The following SGTA variants were observed in gnomAD, a reference collection of about 807,000 sequenced individuals.
The protein encoded by SGTA is small glutamine rich tetratricopeptide repeat co-chaperone alpha.
In SGTA, 22 loss-of-function variants were observed where a neutral mutation model predicts 44.3. The observed-to-expected ratio is 0.50, with a 90% confidence interval of 0.36 to 0.71. SGTA has a LOEUF of 0.71. Ranked by LOEUF, SGTA falls within the 30% of genes least tolerant of loss-of-function variation. The pLI is 0.00. For synonymous variants in SGTA, 174 were observed against 177.6 expected (o/e 0.98, Z 0.16); for missense variants, 341 against 435.9 (o/e 0.78, Z 1.94).
At chr19:2,774,053 C>T (rs1480968383) in intron 1 of SGTA, among the ~76,000 whole-genome samples, 2 of 152,164 alleles carry the variant, frequency 1.3e-5, no homozygotes, top group African/African-American at 2.4e-5. Flanking sequence ...TCACAAGGAA[C>T]GAGCCCCGAC....
chr19:2,764,898 C>T (rs766495796), intron 5 of SGTA, among the ~76,000 whole-genome samples: 1 of 152,064 alleles, frequency 6.6e-6, no homozygotes, highest in African/African-American at 2.4e-5. Flanking sequence ...TCTGTAGAGA[C>T]GGGGGTCTTG....
chr19:2,769,097 G>T lies in SGTA; in HGVS notation c.-23-6C>A. 1 of 1,593,552 alleles carries T rather than the reference G, an allele frequency of 6.3e-7. No individual in the cohort carries two copies. Among genetic ancestry groups the T allele is most frequent in the East Asian group, 2.2e-5 (1 of 44,694 alleles). On this transcript the variant is annotated splice_polypyrimidine_tract_variant and splice_region_variant and intron_variant, in intron 1 of 11. Coordinates refer to ENST00000221566, the MANE Select transcript of SGTA (RefSeq NM_003021.4). ...GAGCCCAGAAGAGGTGATACCTGGG[G>T]GTGCAGGAAAAACCCCCATCAGGCC...
At chr19:2,757,652 C>T in intron 10 of SGTA, 41 bp downstream of exon 10, 1 of 1,493,428 alleles carries the variant, frequency 6.7e-7, no homozygotes, top group Non-Finnish European at 9.0e-7. Context: ...GCCCTGCCCG[C>T]CGCCCACGTC....
In SGTA at chr19:2,754,723, A is replaced by G. The variant is rs1051513975; in HGVS notation, c.*1217T>C. The stretch of plus-strand genomic sequence containing the variant: ...CAACACGAAGACAGACAGAGGTCAC[A>G]ACGCCTATTTATTCCCCACACGTCA... On this transcript the variant is annotated 3_prime_UTR_variant, in exon 12 of 12. Transcript: ENST00000221566. This position sits in a 1 kb window ranked among gnomAD's most constrained non-coding sequence, Gnocchi z 4.4. The G allele has an allele frequency of 6.6e-6, 1 of 151,888 alleles. No individual in the cohort carries two copies. Among genetic ancestry groups the G allele is most frequent in the African/African-American group, 2.4e-5 (1 of 41,324 alleles). The allele number at this position is 151,888 out of a possible 1,614,324, so 9.4% of individuals were successfully genotyped here. A position where few individuals can be genotyped will look rare whatever the true frequency, so the allele number is the denominator to read the frequency against.
At chr19:2,772,886 AAATG>A (rs1915349590) in intron 1 of SGTA, among the ~76,000 whole-genome samples, 1 of 96,946 alleles carries the variant, frequency 1.0e-5, no homozygotes, top group Admixed American at 9.4e-5. Flanking sequence ...CCGAGGGCAG[AAATG>A]GGTGACGCGG....
chr19:2,781,062 G>C (rs980399700), intron 1 of SGTA, among the ~76,000 whole-genome samples: 1 of 152,158 alleles, frequency 6.6e-6, no homozygotes, highest in Non-Finnish European at 1.5e-5. Context: ...CAGCCTGGGC[G>C]ACAGAGCAAG....
chr19:2,765,623 G>A lies in SGTA; in HGVS notation c.293-338C>T, dbSNP rs952650172. Among the ~76,000 whole-genome samples, 2 of 152,210 alleles carry A rather than the reference G, an allele frequency of 1.3e-5. No homozygotes were observed. The highest frequency in any genetic ancestry group is 2.9e-5 in the Non-Finnish European group (2 of 68,038). On this transcript the variant is annotated intron_variant, in intron 4 of 11. Coordinates refer to ENST00000221566, the MANE Select transcript of SGTA (RefSeq NM_003021.4). The surrounding 1 kb of genome is among the most constrained non-coding windows in gnomAD (Gnocchi z 5.5). Reference sequence around the variant, plus strand: ...TAATACAGCTCACCGGCCCGGGGACGGAAACTGTCCCTTTCGCTATTGCTT... The same window carrying A: ...TAATACAGCTCACCGGCCCGGGGACAGAAACTGTCCCTTTCGCTATTGCTT...
At chr19:2,758,049 G>A (rs1914878626) in intron 9 of SGTA, among the ~76,000 whole-genome samples, 1 of 152,206 alleles carries the variant, frequency 6.6e-6, no homozygotes, top group Admixed American at 6.5e-5. Context: ...CCCCTGCAAT[G>A]GCAGCGGACA....
rs941936193 is a variant in SGTA, at chr19:2,767,895, C to T, written c.101-209G>A. ...AAAAGCCAGACAGAGACGCCCCGTG[C>T]CCCTGAGAGCAGCAGAGGCCGTGGG... is the stretch of plus-strand genomic sequence containing the variant. On this transcript the variant is annotated intron_variant, in intron 2 of 11. Coordinates refer to ENST00000221566, the MANE Select transcript of SGTA (RefSeq NM_003021.4). This position sits in a 1 kb window ranked among gnomAD's most constrained non-coding sequence, Gnocchi z 7.3. Among the ~76,000 whole-genome samples the T allele has an allele frequency of 3.3e-5, 5 of 152,292 alleles. No homozygotes were observed. The highest frequency in any genetic ancestry group is 3.9e-4 in the East Asian group (2 of 5,180).
At chr19:2,779,339 C>T (rs1915518335) in intron 1 of SGTA, among the ~76,000 whole-genome samples, 1 of 152,176 alleles carries the variant, frequency 6.6e-6, no homozygotes, top group Non-Finnish European at 1.5e-5. Flanking sequence ...GTGCCAGGAC[C>T]TGTGGCTTCT....
At chr19:2,759,678 T>A in intron 8 of SGTA, 1 of 221,014 alleles carries the variant, frequency 4.5e-6, no homozygotes, top group Non-Finnish European at 9.2e-6. Context: ...AATAGCACTG[T>A]GGCTGGGCGC....
At chr19:2,777,594 G>C (rs1401714342) in intron 1 of SGTA, 1 of 152,114 alleles carries the variant, frequency 6.6e-6, no homozygotes, top group Non-Finnish European at 1.5e-5. Flanking sequence ...TTTGAGATGA[G>C]GGTCACACCC....
intron 1 of SGTA, among the ~76,000 whole-genome samples, 194 bp downstream of exon 1, chr19:2,783,039 G>C (rs1368891792): frequency 6.6e-6 from 1 of 152,240 alleles, no homozygotes; most frequent in East Asian, 1.9e-4. Context: ...CTGGGGAAGG[G>C]AGATCAGGGC....
intron 1 of SGTA, chr19:2,777,700 G>A (rs1317522318): frequency 2.0e-5 from 3 of 152,192 alleles, no homozygotes; most frequent in African/African-American, 4.8e-5. Context: ...AGGATCCCCA[G>A]GCAGACACAC....
rs1019567976 is a variant in SGTA, at chr19:2,763,028, C to T, written c.498-384G>A. The stretch of plus-strand genomic sequence containing the variant: ...GAACCTCTGAGCGACAGACATGTCT[C>T]CCGTCATCCACAAGCAGCCCCTGAC... On this transcript the variant is annotated intron_variant, in intron 6 of 11. Coordinates refer to ENST00000221566, the MANE Select transcript of SGTA (RefSeq NM_003021.4). The surrounding 1 kb of genome is among the most constrained non-coding windows in gnomAD (Gnocchi z 5.8). Among the ~76,000 whole-genome samples, 2 of 150,342 alleles carry T rather than the reference C, an allele frequency of 1.3e-5. No homozygotes were observed. The highest frequency in any genetic ancestry group is 5.0e-5 in the African/African-American group (2 of 40,320).
chr19:2,767,036 G>T lies in SGTA; in HGVS notation c.292+100C>A. 1 of 866,704 alleles carries T rather than the reference G, an allele frequency of 1.2e-6. No homozygotes were observed. Among genetic ancestry groups the T allele is most frequent in the Non-Finnish European group, 1.9e-6 (1 of 523,854 alleles). 53.7% of individuals were successfully genotyped at this position (866,704 alleles called of 1,614,324 possible). The stretch of plus-strand genomic sequence containing the variant: ...GCTGGTCATCAGGGCAATTCCCTCA[G>T]CTCCCTGGGCCCCAGGGACCAGCTG... On this transcript the variant is annotated intron_variant, in intron 4 of 11. Coordinates refer to ENST00000221566, the MANE Select transcript of SGTA (RefSeq NM_003021.4). This position sits in a 1 kb window ranked among gnomAD's most constrained non-coding sequence, Gnocchi z 7.3.
intron 1 of SGTA, among the ~76,000 whole-genome samples, chr19:2,775,996 C>G (rs1048116435): frequency 3.9e-5 from 6 of 152,188 alleles, no homozygotes; most frequent in Admixed American, 1.3e-4. Flanking sequence ...ACTTTGAGGT[C>G]TGGGATCAGG....
chr19:2,774,978 C>A (rs1011445024), intron 1 of SGTA, among the ~76,000 whole-genome samples: 12 of 152,196 alleles, frequency 7.9e-5, no homozygotes, highest in African/African-American at 2.9e-4. Context: ...AGGCCAGGGA[C>A]GCTGCTCAGT....
chr19:2,771,776 G>A (rs1020625530), intron 1 of SGTA, among the ~76,000 whole-genome samples: 6 of 152,396 alleles, frequency 3.9e-5, no homozygotes, highest in Admixed American at 3.9e-4. Context: ...AGCAGGCATG[G>A]AGAGGGGTTG....
Sources: allele counts gnomAD v4.1 joint callset (sites outside exome capture counted in the v4.1 genomes callset), GRCh38; gene constraint gnomAD v4.1.1; non-coding constraint Gnocchi (gnomAD v3.1); transcripts MANE v1.5; gene names NCBI Gene and HGNC (gene_info 2026-07-23, HGNC 2026-07-21).